Variants in DTD1 observed in about 807,000 individuals in gnomAD.
DTD1 encodes the protein D-tyrosyl-tRNA deacylase 1 homolog.
A neutral mutation model predicts 25.6 loss-of-function variants in DTD1; 13 were observed. That is an observed-to-expected ratio of 0.51 (90% CI 0.33 to 0.81). DTD1 has a LOEUF of 0.81. Ranked by LOEUF, DTD1 falls within the 30% of genes least tolerant of loss-of-function variation. The probability of loss-of-function intolerance (pLI) is 0.02; values close to 1 mark genes in which losing one functional copy is unlikely to be tolerated. For missense variants in DTD1, 193 were observed against 266.4 expected, an observed-to-expected ratio of 0.72 and a Z score of 1.92; for synonymous variants, 110 against 103.6, an observed-to-expected ratio of 1.06 and a Z score of -0.37.
intron 4 of DTD1, among the ~76,000 whole-genome samples, chr20:18,651,766 G>A (rs186181966): frequency 1.1e-4 from 16 of 152,254 alleles, no homozygotes; most frequent in African/African-American, 3.1e-4. Context: ...ATTGAGAACC[G>A]TGGTTTTAGT....
chr20:18,716,533 G>A (rs980414703), intron 4 of DTD1, among the ~76,000 whole-genome samples: 4 of 152,168 alleles, frequency 2.6e-5, no homozygotes, highest in Non-Finnish European at 1.5e-5. Context: ...CTAAACTGAC[G>A]GAGGCACTTA....
intron 4 of DTD1, among the ~76,000 whole-genome samples, chr20:18,728,748 A>G (rs751715210): frequency 4.6e-5 from 7 of 152,020 alleles, no homozygotes; most frequent in Non-Finnish European, 1.0e-4. Flanking sequence ...AGCACAAAGC[A>G]GTGCTCATGT....
intron 4 of DTD1, among the ~76,000 whole-genome samples, chr20:18,661,978 C>A (rs552820608): frequency 1.1e-4 from 16 of 152,114 alleles, no homozygotes; most frequent in Non-Finnish European, 1.8e-4. Context: ...ATAGTGAGAC[C>A]CTGTCTCTAC....
intron 4 of DTD1, among the ~76,000 whole-genome samples, chr20:18,736,655 G>T (rs1360840059): frequency 6.6e-6 from 1 of 152,170 alleles, no homozygotes; most frequent in Non-Finnish European, 1.5e-5. Context: ...ACCTTGACTG[G>T]CTGCCCAAGA....
At chr20:18,691,169 TA>T (rs575910190) in intron 4 of DTD1, among the ~76,000 whole-genome samples, 259 of 152,340 alleles carry the variant, frequency 1.7e-3, no homozygotes, top group African/African-American at 6.0e-3. Flanking sequence ...TGTGGGAATG[TA>T]AATTAGTACA....
At chr20:18,596,308 C>T (rs984168066) in intron 3 of DTD1, 67 bp downstream of exon 3, 9 of 1,314,236 alleles carry the variant, frequency 6.8e-6, no homozygotes, top group East Asian at 2.4e-5. Context: ...AAAAAAGAAG[C>T]TGCAACTGCA....
chr20:18,687,209 C>T (rs2093609705), intron 4 of DTD1, among the ~76,000 whole-genome samples: 1 of 152,024 alleles, frequency 6.6e-6, no homozygotes. Context: ...GAAGGACATC[C>T]TAGGTAGAGG....
At chr20:18,641,509 T>C (rs1443531580) in intron 4 of DTD1, among the ~76,000 whole-genome samples, 7 of 152,030 alleles carry the variant, frequency 4.6e-5, no homozygotes, top group Non-Finnish European at 8.8e-5. Flanking sequence ...ATTTGCTGTT[T>C]TGTATGTGTG....
At chr20:18,644,450 T>C (rs2060843005) in intron 4 of DTD1, among the ~76,000 whole-genome samples, 1 of 152,218 alleles carries the variant, frequency 6.6e-6, no homozygotes, top group Non-Finnish European at 1.5e-5. Context: ...GAAGGAGATA[T>C]TTTGGGAAAA....
chr20:18,665,679 G>A (rs2060928945), intron 4 of DTD1, among the ~76,000 whole-genome samples: 1 of 152,146 alleles, frequency 6.6e-6, no homozygotes, highest in African/African-American at 2.4e-5. Flanking sequence ...TTACAGCCTT[G>A]TTTGCAAGGG....
rs555674903 is a variant in DTD1 at position 18,705,048 on chromosome 20, C to T, written c.478-39052C>T. Reference sequence around the variant, plus strand: ...TAAAATTACAAATTTAATAGATTTGCACTAGCCACATTTCTTATGCTTGAC... The same window carrying T: ...TAAAATTACAAATTTAATAGATTTGTACTAGCCACATTTCTTATGCTTGAC... On this transcript the variant is annotated intron_variant, in intron 4 of 5. Transcript: ENST00000377452. Among the ~76,000 whole-genome samples, 15 of 152,298 alleles carry T rather than the reference C, an allele frequency of 9.8e-5. No individual in the cohort carries two copies. In the East Asian group the frequency reaches 2.9e-3, roughly 29 times the overall value.
chr20:18,715,906 G>A (rs1490137719), intron 4 of DTD1, among the ~76,000 whole-genome samples: 3 of 152,078 alleles, frequency 2.0e-5, no homozygotes, highest in Non-Finnish European at 2.9e-5. Context: ...GGTTGTATCT[G>A]GAGTCTGTTG....
At chr20:18,622,749 G>A (rs2060739847) in intron 3 of DTD1, among the ~76,000 whole-genome samples, 1 of 152,066 alleles carries the variant, frequency 6.6e-6, no homozygotes, top group South Asian at 2.1e-4. Context: ...ATCTTTTCCC[G>A]TGGTCTGGAC....
intron 4 of DTD1, among the ~76,000 whole-genome samples, chr20:18,742,003 G>A (rs1469686252): frequency 6.6e-6 from 1 of 150,602 alleles, no homozygotes; most frequent in Non-Finnish European, 1.5e-5. Flanking sequence ...CTCCTAAAGT[G>A]CCGCTATTGC....
At chr20:18,695,627 C>T (rs1222419274) in intron 4 of DTD1, among the ~76,000 whole-genome samples, 1 of 78,216 alleles carries the variant, frequency 1.3e-5, no homozygotes, top group Non-Finnish European at 2.3e-5. Flanking sequence ...CTTTCCTTCT[C>T]TCTCTCTCTC....
At chr20:18,720,100 C>T (rs1350350363) in intron 4 of DTD1, among the ~76,000 whole-genome samples, 1 of 152,130 alleles carries the variant, frequency 6.6e-6, no homozygotes, top group African/African-American at 2.4e-5. Flanking sequence ...AGAGTTTCTT[C>T]TGGGATTTGC....
At chr20:18,632,374 C>T (rs1259708324) in intron 4 of DTD1, 21 of 985,316 alleles carry the variant, frequency 2.1e-5, no homozygotes, top group Non-Finnish European at 2.3e-5. Flanking sequence ...CTGCGCTCTG[C>T]CCCTAGCTCT....
At chr20:18,744,760 C>A (rs1032532928) in intron 5 of DTD1, among the ~76,000 whole-genome samples, 2 of 152,088 alleles carry the variant, frequency 1.3e-5, no homozygotes, top group African/African-American at 4.8e-5. Flanking sequence ...CAGTTACCTC[C>A]CACCAGGCCC....
At chr20:18,686,654 G>GTC (rs2061017878) in intron 4 of DTD1, among the ~76,000 whole-genome samples, 1 of 151,618 alleles carries the variant, frequency 6.6e-6, no homozygotes, top group East Asian at 1.9e-4. Flanking sequence ...AGCTGTGTGT[G>GTC]TGTGTGTGTG....
Sources: allele counts gnomAD v4.1 joint callset (sites outside exome capture counted in the v4.1 genomes callset), GRCh38; gene constraint gnomAD v4.1.1; transcripts MANE v1.5; gene names NCBI Gene and HGNC (gene_info 2026-07-23, HGNC 2026-07-21).